LRRTM4: variants seen among roughly 807,000 people sequenced by gnomAD.
LRRTM4 encodes leucine rich repeat transmembrane neuronal 4, also known as leucine-rich repeat transmembrane neuronal protein 4.
LRRTM4 carries 25 observed loss-of-function variants against 47.6 expected under a neutral mutation model. The ratio of observed to expected loss-of-function variants is 0.53; its 90% CI spans 0.38 to 0.73. LRRTM4 has a LOEUF of 0.73. Ranked by LOEUF, LRRTM4 falls within the 30% of genes least tolerant of loss-of-function variation. The pLI, the probability that LRRTM4 is intolerant of heterozygous loss-of-function variation, is 0.00. For missense variants in LRRTM4, 638 were observed against 713.4 expected, an observed-to-expected ratio of 0.89 and a Z score of 1.20; for synonymous variants, 311 against 269.5, an observed-to-expected ratio of 1.15 and a Z score of -1.51.
intron 3 of LRRTM4, among the ~76,000 whole-genome samples, chr2:76,880,676 C>T (rs148971462): frequency 1.3e-5 from 2 of 152,094 alleles, no homozygotes; most frequent in Admixed American, 6.6e-5. Flanking sequence ...CAGAAGAAGT[C>T]AGGTGTTTCA....
At chr2:77,212,550 AAT>A (rs149487043) in intron 3 of LRRTM4, among the ~76,000 whole-genome samples, 316 of 147,044 alleles carry the variant, frequency 2.1e-3, no homozygotes, top group African/African-American at 6.5e-3. Flanking sequence ...TAATCTTGAG[AAT>A]ATATATATAT....
At chr2:77,060,734 G>A (rs1175670237) in intron 3 of LRRTM4, among the ~76,000 whole-genome samples, 1 of 152,014 alleles carries the variant, frequency 6.6e-6, no homozygotes, top group African/African-American at 2.4e-5. Context: ...CTTACCTTGG[G>A]TAAGTGCAAT....
At chr2:77,091,277 C>T (rs1284266099) in intron 3 of LRRTM4, among the ~76,000 whole-genome samples, 1 of 148,758 alleles carries the variant, frequency 6.7e-6, no homozygotes, top group Admixed American at 6.7e-5. Context: ...GTATAAGATA[C>T]CTCTACTCCC....
chr2:77,355,701 C>T (rs939860363), intron 3 of LRRTM4, among the ~76,000 whole-genome samples: 1 of 152,204 alleles, frequency 6.6e-6, no homozygotes, highest in African/African-American at 2.4e-5. Flanking sequence ...AATAGTCCAT[C>T]AAGTGACACC....
chr2:76,903,129 T>C (rs1231983302), intron 3 of LRRTM4, among the ~76,000 whole-genome samples: 1 of 152,146 alleles, frequency 6.6e-6, no homozygotes. Context: ...TCCAGCACTT[T>C]GGGAGGCCAA....
At chr2:77,253,108 T>C (rs542071808) in intron 3 of LRRTM4, among the ~76,000 whole-genome samples, 1 of 152,292 alleles carries the variant, frequency 6.6e-6, no homozygotes, top group South Asian at 2.1e-4. Context: ...TCACCTTCTC[T>C]GTCTCTTGCA....
At chr2:77,285,760 A>G (rs985082276) in intron 3 of LRRTM4, among the ~76,000 whole-genome samples, 2 of 151,164 alleles carry the variant, frequency 1.3e-5, no homozygotes, top group South Asian at 2.1e-4. Flanking sequence ...AACAAAAAAA[A>G]TCCTGATAGT....
intron 3 of LRRTM4, among the ~76,000 whole-genome samples, chr2:77,501,123 T>C (rs1678556706): frequency 6.6e-6 from 1 of 150,524 alleles, no homozygotes; most frequent in African/African-American, 2.4e-5. Context: ...TGTAATTATA[T>C]ATAATTTTAT....
chr2:77,508,573 G>T lies in LRRTM4; in HGVS notation c.1551+9745C>A, dbSNP rs1678863754. Among the ~76,000 whole-genome samples the T allele has an allele frequency of 2.6e-5, 4 of 151,976 alleles. 1 individual carries two copies. The South Asian group carries it at 6.2e-4, about 24-fold the overall frequency. ...TTATTTTGTCTTTTTTGTCTTTATG[G>T]GGTTTGTTTTTTGTCAGTAGTGCCC... is the stretch of plus-strand genomic sequence containing the variant. On this transcript the variant is annotated intron_variant, in intron 3 of 3. Transcript: ENST00000409884.
chr2:76,926,470 C>T (rs1383440561), intron 3 of LRRTM4, among the ~76,000 whole-genome samples: 4 of 151,904 alleles, frequency 2.6e-5, no homozygotes, highest in African/African-American at 4.8e-5. Flanking sequence ...CATTTTGGGC[C>T]CGAGGTTAAA....
intron 3 of LRRTM4, among the ~76,000 whole-genome samples, chr2:77,259,461 T>A (rs1281730915): frequency 1.3e-5 from 2 of 152,112 alleles, no homozygotes; most frequent in African/African-American, 4.8e-5. Context: ...GAGGGCTATC[T>A]ATGTTTCAAG....
intron 3 of LRRTM4, among the ~76,000 whole-genome samples, chr2:76,883,247 GT>G (rs1328635510): frequency 6.6e-6 from 1 of 152,148 alleles, no homozygotes; most frequent in African/African-American, 2.4e-5. Flanking sequence ...CTTGTATTGT[GT>G]GTTTAATCAG....
chr2:76,980,900 G>C (rs1676587061), intron 3 of LRRTM4, among the ~76,000 whole-genome samples: 1 of 151,966 alleles, frequency 6.6e-6, no homozygotes, highest in Non-Finnish European at 1.5e-5. Flanking sequence ...ATGAAAATTG[G>C]AGGATTACAT....
chr2:77,300,327 A>G (rs140392813), intron 3 of LRRTM4, among the ~76,000 whole-genome samples: 8 of 152,290 alleles, frequency 5.3e-5, no homozygotes, highest in African/African-American at 1.2e-4. Context: ...TAATGCTACT[A>G]TCTAGGTGAA....
At chr2:76,778,437 C>T (rs377191833) in intron 3 of LRRTM4, among the ~76,000 whole-genome samples, 1 of 145,960 alleles carries the variant, frequency 6.9e-6, no homozygotes, top group Non-Finnish European at 1.5e-5. Flanking sequence ...ACAATTTCAG[C>T]TCCTGTTATT....
chr2:77,376,540 G>T (rs1203444275), intron 3 of LRRTM4, among the ~76,000 whole-genome samples: 1 of 150,012 alleles, frequency 6.7e-6, no homozygotes. Flanking sequence ...TTGTTTTGAT[G>T]ACAGTTTTGA....
intron 3 of LRRTM4, among the ~76,000 whole-genome samples, chr2:77,047,374 C>T (rs1228938273): frequency 6.6e-6 from 1 of 151,952 alleles, no homozygotes; most frequent in East Asian, 1.9e-4. Context: ...GACTGAGTGG[C>T]TTAAATAACA....
chr2:77,424,072 A>G (rs1423845403), intron 3 of LRRTM4, among the ~76,000 whole-genome samples: 1 of 150,850 alleles, frequency 6.6e-6, no homozygotes, highest in Admixed American at 6.6e-5. Flanking sequence ...GTAATTTTTA[A>G]AACATTTATA....
At chr2:77,239,690 C>T (rs1379661085) in intron 3 of LRRTM4, among the ~76,000 whole-genome samples, 5 of 151,726 alleles carry the variant, frequency 3.3e-5, no homozygotes, top group South Asian at 2.1e-4. Context: ...TGCAGAATGA[C>T]GAAGAGTTCA....
Sources: allele counts gnomAD v4.1 joint callset (sites outside exome capture counted in the v4.1 genomes callset), GRCh38; gene constraint gnomAD v4.1.1; transcripts MANE v1.5; gene names NCBI Gene and HGNC (gene_info 2026-07-23, HGNC 2026-07-21).